Variants in AVIL observed in about 807,000 individuals in gnomAD.
AVIL encodes the protein advillin.
Under a neutral mutation model 109.9 loss-of-function variants are expected in AVIL, and 78 were observed. That is an observed-to-expected ratio of 0.71 (90% CI 0.59 to 0.86). AVIL has a LOEUF of 0.86. Among genes scored for constraint, AVIL ranks in the 40% least tolerant of loss-of-function variants. The pLI is 0.00. For missense variants in AVIL, 892 were observed against 1,016.5 expected (o/e 0.88, Z 1.67); for synonymous variants, 367 against 379.1 (o/e 0.97, Z 0.37).
At chr12:57,806,875 G>T (rs1955955994) in intron 13 of AVIL, among the ~76,000 whole-genome samples, 1 of 152,202 alleles carries the variant, frequency 6.6e-6, no homozygotes, top group Admixed American at 6.5e-5. Context: ...ACAAGGCTAG[G>T]ACTTGACCCC....
intron 1 of AVIL, chr12:57,816,386 A>G (rs34929841): frequency 5.1e-6 from 1 of 196,872 alleles, no homozygotes; most frequent in Admixed American, 5.3e-5. Flanking sequence ...TGTTATCTCT[A>G]ATTTTCAGAA....
Position 57,806,324 on chromosome 12 carries a change from G to A in AVIL, c.1671+36C>T, listed in dbSNP as rs747554651. On this transcript the variant is annotated intron_variant, in intron 14 of 19. Coordinates refer to ENST00000549994, the MANE Select transcript of AVIL (RefSeq NM_006576.4). ...GGAGGGGAGTGCAGGTCTGGGCTCCGAGGGGCTGGTCTGACCCGGGGCCCA... is the reference window on the plus strand; with the variant it reads ...GGAGGGGAGTGCAGGTCTGGGCTCCAAGGGGCTGGTCTGACCCGGGGCCCA... 1.1e-5 allele frequency: 18 copies of A among 1,612,050 alleles called. No individual in the cohort carries two copies. In the East Asian group the frequency reaches 1.8e-4, roughly 16 times the overall value.
At chr12:57,812,007 T>A (rs1197284381) in intron 4 of AVIL, among the ~76,000 whole-genome samples, 1 of 152,106 alleles carries the variant, frequency 6.6e-6, no homozygotes, top group Non-Finnish European at 1.5e-5. Flanking sequence ...CCTTTTTTTT[T>A]AAAGACAGGG....
intron 16 of AVIL, among the ~76,000 whole-genome samples, chr12:57,802,996 G>C (rs1352675581): frequency 2.0e-5 from 3 of 152,188 alleles, no homozygotes; most frequent in African/African-American, 7.2e-5. Flanking sequence ...ATAGGATGAT[G>C]ATAGGATGGC....
intron 13 of AVIL, 84 bp downstream of exon 13, chr12:57,807,244 CCCT>C (rs1221756045): frequency 1.9e-6 from 3 of 1,582,828 alleles, no homozygotes; most frequent in African/African-American, 1.3e-5. Context: ...CCTACCCCAC[CCCT>C]CCTCTGCTCT....
Position 57,816,015 on chromosome 12 carries a change from G to C in AVIL, c.26C>G (p.Ala9Gly). 6.2e-7 allele frequency: 1 copy of C among 1,614,142 alleles called. No homozygotes were observed. The highest frequency in any genetic ancestry group is 2.2e-5 in the East Asian group (1 of 44,892). ...AATGATCCCAGGGTCGTTGTCCACA[G>C]CCCTGAAGGCACTGGTCAGAGGCAT... MPLTSAFR[A>G]VDNDPGIIVW... Residue 9 changes from alanine (A) to glycine (G), a missense_variant, in exon 2 of 20, where the codon GCT becomes GGT. Ala to Gly is a moderately conservative substitution (Grantham distance 60). Transcript: ENST00000549994.
chr12:57,808,258 A>G lies in AVIL; in HGVS notation c.1130T>C (p.Leu377Pro), dbSNP rs759540577. 1.1e-5 allele frequency: 18 copies of G among 1,614,106 alleles called. No individual in the cohort carries two copies. In the Admixed American group the frequency reaches 3.0e-4, roughly 27 times the overall value. ...VFQDKFDVTL[L>P]HTKPEVAAQE... ...GGCAGCTACCTCTGGCTTGGTGTGT[A>G]GCAGAGTCACATCAAATTTATCCTG... Residue 377 changes from leucine (L) to proline (P), a missense_variant, in exon 11 of 20, where the codon CTA (leucine) becomes CCA (proline). Coordinates refer to ENST00000549994, the MANE Select transcript of AVIL (RefSeq NM_006576.4).
intron 4 of AVIL, among the ~76,000 whole-genome samples, chr12:57,811,597 C>T (rs974927460): frequency 6.6e-6 from 1 of 152,214 alleles, no homozygotes; most frequent in African/African-American, 2.4e-5. Flanking sequence ...CAGCCCAGCC[C>T]AGCCTCCGAG....
intron 11 of AVIL, 116 bp from the exon 12 acceptor site, chr12:57,807,843 C>T (rs778302639): frequency 7.0e-7 from 1 of 1,429,202 alleles, no homozygotes; most frequent in Non-Finnish European, 9.8e-7. Flanking sequence ...TGTTCCCTTT[C>T]TCCCTCTGGT....
intron 1 of AVIL, among the ~76,000 whole-genome samples, chr12:57,818,129 C>T (rs1181506293): frequency 1.4e-5 from 2 of 145,612 alleles, no homozygotes; most frequent in African/African-American, 5.1e-5. Context: ...AGTGATCCTT[C>T]TGCCTCAGCC....
intron 4 of AVIL, among the ~76,000 whole-genome samples, chr12:57,811,612 G>A (rs1159304066): frequency 6.6e-6 from 1 of 152,162 alleles, no homozygotes; most frequent in African/African-American, 2.4e-5. Context: ...TCCGAGCCAG[G>A]GGTCCTGCAC....
At chr12:57,800,027 C>T (rs558323101) in intron 18 of AVIL, 107 bp from the exon 19 acceptor site, 2 of 1,391,682 alleles carry the variant, frequency 1.4e-6, no homozygotes, top group Non-Finnish European at 2.0e-6. Context: ...GCCACTTCAC[C>T]CTCTGTAATC....
intron 1 of AVIL, among the ~76,000 whole-genome samples, chr12:57,817,441 C>T (rs190188872): frequency 1.5e-4 from 23 of 151,622 alleles, no homozygotes; most frequent in Admixed American, 7.2e-4. Context: ...AGGACTAAAG[C>T]AAGGCAATGG....
intron 13 of AVIL, 88 bp downstream of exon 13, chr12:57,807,243 C>T (rs75919341): frequency 0.028 from 43,801 of 1,578,354 alleles, 705 homozygotes; most frequent in Middle Eastern, 0.034. Flanking sequence ...CCCTACCCCA[C>T]CCCTCCTCTG....
chr12:57,804,274 A>G (rs1055645584), intron 14 of AVIL: 2 of 152,394 alleles, frequency 1.3e-5, no homozygotes, highest in African/African-American at 2.4e-5. Flanking sequence ...CAGAATGCAT[A>G]TGAGATCTCT....
At chr12:57,805,165 C>T (rs577497439) in intron 14 of AVIL, among the ~76,000 whole-genome samples, 1 of 152,146 alleles carries the variant, frequency 6.6e-6, no homozygotes, top group Admixed American at 6.5e-5. Context: ...AAGCAATTCT[C>T]CTGCCTCAGC....
At position 57,802,416 on chromosome 12, in the gene AVIL, A is replaced by G. The variant is rs1955869019; in HGVS notation, c.1963-68T>C. The G allele has an allele frequency of 1.3e-5, 19 of 1,497,672 alleles. No homozygotes were observed. In the South Asian group the frequency reaches 2.2e-4, roughly 17 times the overall value. The allele number at this position is 1,497,672 out of a possible 1,614,324, so 92.8% of individuals were successfully genotyped here. A position where few individuals can be genotyped will look rare whatever the true frequency, so the allele number is the denominator to read the frequency against. ...AAGGACTAAGTACTAGATCATACAC[A>G]TTACCCTATCTTTCCCCTTTCTTTC... On this transcript the variant is annotated intron_variant, in intron 16 of 19. Coordinates refer to ENST00000549994, the MANE Select transcript of AVIL (RefSeq NM_006576.4).
At chr12:57,806,311 A>C (rs1167985517) in intron 14 of AVIL, 49 bp downstream of exon 14, 2 of 1,601,340 alleles carry the variant, frequency 1.2e-6, no homozygotes, top group African/African-American at 1.3e-5. Flanking sequence ...AGGGGAGTGC[A>C]GGTCTGGGCT....
intron 7 of AVIL, among the ~76,000 whole-genome samples, chr12:57,810,139 TCTC>T (rs1449127405): frequency 1.4e-4 from 22 of 152,208 alleles, no homozygotes; most frequent in African/African-American, 4.1e-4. Context: ...AAAGGAAAGG[TCTC>T]CTCAAGAGAT....
Sources: gnomAD v4.1 joint callset for allele counts (sites outside exome capture counted in the v4.1 genomes callset) on GRCh38, gnomAD v4.1.1 for gene constraint, MANE v1.5 for transcripts, NCBI Gene and HGNC (gene_info 2026-07-23, HGNC 2026-07-21) for gene names.